The following DTNA variants were observed in gnomAD, a reference collection of about 807,000 sequenced individuals.
The protein encoded by DTNA is dystrobrevin alpha.
Under a neutral mutation model 100.7 loss-of-function variants are expected in DTNA, and 43 were observed. The ratio of observed to expected loss-of-function variants is 0.43; its 90% CI spans 0.33 to 0.55. The LOEUF (loss-of-function observed/expected upper bound fraction) is 0.55. Among genes scored for constraint, DTNA ranks in the 20% least tolerant of loss-of-function variants. DTNA has a pLI of 0.04. For missense variants in DTNA, 798 were observed against 953.9 expected (o/e 0.84, Z 2.15); for synonymous variants, 349 against 347.9 (o/e 1.00, Z -0.04).
intron 1 of DTNA, among the ~76,000 whole-genome samples, chr18:34,701,559 A>G (rs745660283): frequency 1.7e-4 from 26 of 152,098 alleles, no homozygotes; most frequent in Non-Finnish European, 3.2e-4. Flanking sequence ...CCACATGTGT[A>G]TCTGCATCCA....
chr18:34,785,114 C>T (rs146104292), intron 3 of DTNA, among the ~76,000 whole-genome samples: 16,620 of 151,884 alleles, frequency 0.11, 1,028 homozygotes, highest in South Asian at 0.15. Flanking sequence ...AGGGTTTCAC[C>T]GTGTTAGCCA....
At chr18:34,651,728 A>G (rs1420708940) in intron 1 of DTNA, among the ~76,000 whole-genome samples, 2 of 152,134 alleles carry the variant, frequency 1.3e-5, no homozygotes, top group Admixed American at 6.6e-5. Context: ...AAGCTAACCT[A>G]ATACAGGGAC....
intron 1 of DTNA, chr18:34,513,381 A>G (rs2041281898): frequency 6.6e-6 from 1 of 152,184 alleles, no homozygotes; most frequent in Non-Finnish European, 1.5e-5. Context: ...CTAAGAGGAA[A>G]ATATGGCAAA....
Position 34,771,201 on chromosome 18 carries a change from AT to A in DTNA, c.148+5161del, listed in dbSNP as rs201803184. Among the ~76,000 whole-genome samples the A allele has an allele frequency of 3.8e-3, 572 of 152,294 alleles. 7 individuals are homozygous for A. Among genetic ancestry groups the A allele is most frequent in the African/African-American group, 0.013 (535 of 41,570 alleles). ...AAAAGAATGTTGACCAATCCCTGCT[AT>A]AAAAGACACTTGTAAGTCCAGGCGT... On this transcript the variant is annotated intron_variant, in intron 3 of 22. Coordinates refer to ENST00000444659, the MANE Select transcript of DTNA (RefSeq NM_001386795.1).
At chr18:34,519,543 C>T (rs1033192694) in intron 1 of DTNA, among the ~76,000 whole-genome samples, 2 of 152,064 alleles carry the variant, frequency 1.3e-5, no homozygotes, top group African/African-American at 4.8e-5. Flanking sequence ...CATTGAGGAC[C>T]AAATGAGATG....
At chr18:34,706,474 A>G (rs956427488), upstream of DTNA, among the ~76,000 whole-genome samples, 15 of 152,108 alleles carry the variant, frequency 9.9e-5, no homozygotes, top group Non-Finnish European at 2.2e-4. Context: ...CATTCAGAAT[A>G]TAAGTATATA....
chr18:34,533,099 A>T (rs890179867), intron 1 of DTNA, among the ~76,000 whole-genome samples: 1 of 152,012 alleles, frequency 6.6e-6, no homozygotes, highest in Non-Finnish European at 1.5e-5. Flanking sequence ...GGCTGGATGC[A>T]GTGGCTCATT....
intron 2 of DTNA, among the ~76,000 whole-genome samples, chr18:34,761,306 A>G (rs1248021921): frequency 6.6e-6 from 1 of 152,238 alleles, no homozygotes; most frequent in Non-Finnish European, 1.5e-5. Context: ...ATATTAATAG[A>G]GCTATCAAAA....
intron 1 of DTNA, among the ~76,000 whole-genome samples, chr18:34,638,585 T>C (rs1481010174): frequency 6.6e-6 from 1 of 152,220 alleles, no homozygotes; most frequent in Non-Finnish European, 1.5e-5. Context: ...TATGTGTTGA[T>C]TTACAGTTTA....
At chr18:34,623,089 T>C (rs2056790036) in intron 1 of DTNA, among the ~76,000 whole-genome samples, 1 of 152,174 alleles carries the variant, frequency 6.6e-6, no homozygotes, top group Non-Finnish European at 1.5e-5. Flanking sequence ...ATGCTGTGTG[T>C]TAAGGCACAT....
intron 1 of DTNA, among the ~76,000 whole-genome samples, chr18:34,504,484 TAAGA>T (rs1158731909): frequency 6.6e-6 from 1 of 152,236 alleles, no homozygotes; most frequent in African/African-American, 2.4e-5. Flanking sequence ...CTTTTTGTTT[TAAGA>T]ACTTTCTCTA....
intron 1 of DTNA, among the ~76,000 whole-genome samples, chr18:34,598,224 T>A (rs752908660): frequency 2.6e-4 from 40 of 151,824 alleles, no homozygotes; most frequent in Middle Eastern, 3.2e-3. Flanking sequence ...TTTCTTTTTT[T>A]TTTTTTTACC....
chr18:34,659,786 T>A (rs1445439103), intron 1 of DTNA, among the ~76,000 whole-genome samples: 1 of 152,212 alleles, frequency 6.6e-6, no homozygotes, highest in Non-Finnish European at 1.5e-5. Flanking sequence ...CATTAACCGG[T>A]GACCGTATTT....
In DTNA at chr18:34,592,467, AACACACAC is replaced by A. The variant is rs3078085; in HGVS notation, c.-2+98985_-2+98992del. On this transcript the variant is annotated intron_variant, in intron 1 of 19. Coordinates refer to the DTNA transcript ENST00000283365. ...TCTTCTTTTAGATATACACTTGTAT[AACACACAC>A]ACACACACACACACACACACACACA... is the stretch of plus-strand genomic sequence containing the variant. 4.2e-3 allele frequency among the ~76,000 whole-genome samples: 584 copies of A among 139,508 alleles called. 1 individual carries two copies. The highest frequency in any genetic ancestry group is 7.0e-3 in the South Asian group (30 of 4,316). 91.5% of individuals were successfully genotyped at this position (139,508 alleles called of 152,430 possible).
chr18:34,799,402 A>G (rs2095119070), intron 4 of DTNA, among the ~76,000 whole-genome samples: 1 of 152,204 alleles, frequency 6.6e-6, no homozygotes, highest in African/African-American at 2.4e-5. Flanking sequence ...TCGATATTTA[A>G]TGCAAAATGT....
intron 1 of DTNA, among the ~76,000 whole-genome samples, chr18:34,506,049 A>G (rs1431000311): frequency 6.6e-6 from 1 of 152,176 alleles, no homozygotes; most frequent in Non-Finnish European, 1.5e-5. Context: ...GTCTCCCTTG[A>G]CACCTGAGGG....
chr18:34,583,749 G>T (rs34401495), intron 1 of DTNA, among the ~76,000 whole-genome samples: 15,633 of 152,062 alleles, frequency 0.1, 1,161 homozygotes, highest in African/African-American at 0.21. Flanking sequence ...AAAAAGGATT[G>T]CTGACGCTAA....
chr18:34,868,514 A>G (rs905003268), intron 17 of DTNA: 1 of 985,462 alleles, frequency 1.0e-6, no homozygotes, highest in South Asian at 4.7e-5. Flanking sequence ...GTTTTTATTT[A>G]TGAGTGTTTC....
Position 34,838,462 on chromosome 18 carries a change from C to T in DTNA, c.1254-283C>T, listed in dbSNP as rs576062804. On this transcript the variant is annotated intron_variant, in intron 12 of 22. Transcript: ENST00000444659. ...AACCAATTTCAATGTATTTACTCTACAGATGAATACCTTGGCCTTAGTGGT... is the reference window on the plus strand; with the variant it reads ...AACCAATTTCAATGTATTTACTCTATAGATGAATACCTTGGCCTTAGTGGT... 6.3e-4 allele frequency among the ~76,000 whole-genome samples: 96 copies of T among 152,308 alleles called. 1 individual carries two copies. Among genetic ancestry groups the T allele is most frequent in the African/African-American group, 2.1e-3 (89 of 41,578 alleles).
Sources: gnomAD v4.1 joint callset for allele counts (sites outside exome capture counted in the v4.1 genomes callset) on GRCh38, gnomAD v4.1.1 for gene constraint, MANE v1.5 for transcripts, NCBI Gene and HGNC (gene_info 2026-07-23, HGNC 2026-07-21) for gene names.